EPC2: variants seen among roughly 807,000 people sequenced by gnomAD.
EPC2 encodes enhancer of polycomb homolog 2.
EPC2 carries 14 observed loss-of-function variants against 92.1 expected under a neutral mutation model. That is an observed-to-expected ratio of 0.15 (90% CI 0.10 to 0.24). The LOEUF (loss-of-function observed/expected upper bound fraction) is 0.24, where lower values mean the gene tolerates loss of function less well. EPC2 is among the 10% of genes least tolerant of loss of function. The pLI is 1.00. For missense variants in EPC2, 755 were observed against 971.5 expected, an observed-to-expected ratio of 0.78 and a Z score of 2.96; for synonymous variants, 340 against 334.7, an observed-to-expected ratio of 1.02 and a Z score of -0.17.
chr2:148,762,490 G>A (rs116511781), intron 5 of EPC2, among the ~76,000 whole-genome samples, 180 bp from the exon 6 acceptor site: 3,822 of 151,650 alleles, frequency 0.025, 55 homozygotes, highest in East Asian at 0.032. Context: ...TAGTTTTTTG[G>A]TTTGTTTTGT....
At chr2:148,738,457 T>G (rs926526305) in intron 2 of EPC2, among the ~76,000 whole-genome samples, 2 of 152,152 alleles carry the variant, frequency 1.3e-5, no homozygotes, top group African/African-American at 4.8e-5. Context: ...GTTAGAAAAA[T>G]TATAGTGTGG....
chr2:148,687,677 C>T (rs983616951), intron 1 of EPC2, among the ~76,000 whole-genome samples: 1 of 152,152 alleles, frequency 6.6e-6, no homozygotes, highest in African/African-American at 2.4e-5. Flanking sequence ...TTGATTGGAT[C>T]TGACAAAACG....
intron 1 of EPC2, among the ~76,000 whole-genome samples, chr2:148,663,276 T>G (rs1680983056): frequency 6.7e-6 from 1 of 149,604 alleles, no homozygotes; most frequent in South Asian, 2.1e-4. Flanking sequence ...TGGAAAGCAG[T>G]GGCGCTATCT....
intron 3 of EPC2, among the ~76,000 whole-genome samples, chr2:148,752,163 A>C (rs77803735): frequency 6.6e-6 from 1 of 152,170 alleles, no homozygotes; most frequent in Non-Finnish European, 1.5e-5. Flanking sequence ...TGGAAAGAGC[A>C]CTTATCCTTC....
chr2:148,683,176 C>T (rs1014456386), intron 1 of EPC2, among the ~76,000 whole-genome samples: 1 of 151,848 alleles, frequency 6.6e-6, no homozygotes, highest in African/African-American at 2.4e-5. Flanking sequence ...TTGGTGCACC[C>T]ATCACCTGAG....
intron 2 of EPC2, among the ~76,000 whole-genome samples, chr2:148,694,270 C>T (rs534052425): frequency 2.0e-5 from 3 of 152,188 alleles, no homozygotes; most frequent in South Asian, 2.1e-4. Context: ...CAAAAAGTGC[C>T]GAGAAGGAGT....
intron 2 of EPC2, among the ~76,000 whole-genome samples, chr2:148,696,935 A>C (rs898179423): frequency 6.6e-6 from 1 of 152,236 alleles, no homozygotes; most frequent in African/African-American, 2.4e-5. Context: ...ATTTTAAAGA[A>C]GTCTAAACTT....
chr2:148,645,181 GAGTGTTT>G lies in EPC2; in HGVS notation c.153+13_153+19del. 6.3e-7 allele frequency: 1 copy of G among 1,598,948 alleles called. No individual in the cohort carries two copies. Among genetic ancestry groups the G allele is most frequent in the Non-Finnish European group, 8.5e-7 (1 of 1,172,608 alleles). On this transcript the variant is annotated intron_variant, in intron 1 of 13. Coordinates refer to ENST00000258484, the MANE Select transcript of EPC2 (RefSeq NM_015630.4). ...AAGGAGGAGGAATCGGTAGGGACTC[GAGTGTTT>G]ATTACCCCCCCTTCCCTCCTCCCCC...
At chr2:148,645,259 C>A in intron 1 of EPC2, 89 bp downstream of exon 1, 1 of 1,187,560 alleles carries the variant, frequency 8.4e-7, no homozygotes, top group Non-Finnish European at 1.2e-6. Context: ...GCGCTTTACG[C>A]TCGCTGGAGG....
chr2:148,786,195 A>G, intron 13 of EPC2, 110 bp from the exon 14 acceptor site: 2 of 858,866 alleles, frequency 2.3e-6, no homozygotes, highest in South Asian at 4.0e-5. Context: ...GTTCTTGTGA[A>G]GTCATGTTTA....
chr2:148,660,920 G>GT, intron 1 of EPC2, among the ~76,000 whole-genome samples: 1 of 151,128 alleles, frequency 6.6e-6, no homozygotes, highest in Non-Finnish European at 1.5e-5. Context: ...ATCATTAATT[G>GT]TTTTATCTTT....
At chr2:148,697,258 C>T (rs548798812) in intron 2 of EPC2, among the ~76,000 whole-genome samples, 3 of 151,592 alleles carry the variant, frequency 2.0e-5, no homozygotes, top group African/African-American at 4.8e-5. Context: ...ACACTTTAAA[C>T]GTAGAAATTC....
intron 3 of EPC2, among the ~76,000 whole-genome samples, chr2:148,750,705 TGTTG>T (rs1683068370): frequency 6.6e-6 from 1 of 152,098 alleles, no homozygotes; most frequent in African/African-American, 2.4e-5. Flanking sequence ...AATTTCAGTG[TGTTG>T]GTTTTGAGCT....
At chr2:148,751,497 G>A (rs184543399) in intron 3 of EPC2, among the ~76,000 whole-genome samples, 44 of 152,066 alleles carry the variant, frequency 2.9e-4, no homozygotes, top group Non-Finnish European at 5.7e-4. Context: ...AATGAATTAC[G>A]TGCTAAATGA....
At chr2:148,772,947 T>C (rs568196680) in intron 10 of EPC2, among the ~76,000 whole-genome samples, 1 of 152,288 alleles carries the variant, frequency 6.6e-6, no homozygotes, top group Non-Finnish European at 1.5e-5. Context: ...TATAGAGGCA[T>C]TTATAATTAC....
chr2:148,775,632 CTTTAA>C (rs1323176448), intron 10 of EPC2, among the ~76,000 whole-genome samples: 1 of 9,672 alleles, frequency 1.0e-4, no homozygotes, highest in African/African-American at 2.7e-4. Context: ...AATTAAATAT[CTTTAA>C]TTAAATAAAA....
chr2:148,650,033 T>G (rs138991167), intron 1 of EPC2, among the ~76,000 whole-genome samples: 60 of 152,340 alleles, frequency 3.9e-4, no homozygotes, highest in African/African-American at 1.4e-3. Context: ...GTTTATGTTA[T>G]CTTAAGCATA....
intron 5 of EPC2, 53 bp from the exon 6 acceptor site, chr2:148,762,617 T>C (rs12622667): frequency 0.072 from 97,427 of 1,347,080 alleles, 4,779 homozygotes; most frequent in East Asian, 0.29. Flanking sequence ...TTATTTTCCT[T>C]CTTTATTGTC....
At chr2:148,678,064 GTA>G (rs1487437281) in intron 1 of EPC2, among the ~76,000 whole-genome samples, 1 of 152,206 alleles carries the variant, frequency 6.6e-6, no homozygotes, top group Non-Finnish European at 1.5e-5. Flanking sequence ...CTGCTGATTG[GTA>G]GAGCTGAGTG....
Sources: allele counts gnomAD v4.1 joint callset (sites outside exome capture counted in the v4.1 genomes callset), GRCh38; gene constraint gnomAD v4.1.1; transcripts MANE v1.5; gene names NCBI Gene and HGNC (gene_info 2026-07-23, HGNC 2026-07-21).